Variants in NKAIN2 observed in about 807,000 individuals in gnomAD.
NKAIN2 encodes sodium/potassium transporting ATPase interacting 2, also known as sodium/potassium-transporting ATPase subunit beta-1-interacting protein 2.
A neutral mutation model predicts 32.6 loss-of-function variants in NKAIN2; 14 were observed. The ratio of observed to expected loss-of-function variants is 0.43; its 90% CI spans 0.28 to 0.67. The LOEUF (loss-of-function observed/expected upper bound fraction) is 0.67, where lower values mean the gene tolerates loss of function less well. Ranked by LOEUF, NKAIN2 falls within the 30% of genes least tolerant of loss-of-function variation. The pLI is 0.17. For missense variants in NKAIN2, 198 were observed against 258.3 expected, an observed-to-expected ratio of 0.77 and a Z score of 1.60; for synonymous variants, 80 against 87.2, an observed-to-expected ratio of 0.92 and a Z score of 0.46.
chr6:124,734,195 A>C (rs936265651), intron 4 of NKAIN2, among the ~76,000 whole-genome samples: 1 of 151,786 alleles, frequency 6.6e-6, no homozygotes, highest in Admixed American at 6.6e-5. Context: ...AAAATAAGTA[A>C]GTATTGGATT....
At chr6:124,666,632 T>G (rs1772811577) in intron 4 of NKAIN2, among the ~76,000 whole-genome samples, 1 of 152,180 alleles carries the variant, frequency 6.6e-6, no homozygotes, top group Non-Finnish European at 1.5e-5. Flanking sequence ...AATTATCATG[T>G]TCTAAATTTT....
chr6:124,339,096 A>G (rs1051384901), intron 2 of NKAIN2, among the ~76,000 whole-genome samples: 1 of 152,150 alleles, frequency 6.6e-6, no homozygotes, highest in East Asian at 1.9e-4. Context: ...TAATCCCAGC[A>G]TTGTGGGAGG....
intron 4 of NKAIN2, among the ~76,000 whole-genome samples, chr6:124,733,340 A>G (rs913859822): frequency 6.6e-6 from 1 of 151,906 alleles, no homozygotes; most frequent in Non-Finnish European, 1.5e-5. Context: ...AGGAGGTTGG[A>G]AGAGCCCAGT....
intron 5 of NKAIN2, among the ~76,000 whole-genome samples, chr6:124,810,991 C>T (rs1302058094): frequency 6.6e-6 from 1 of 151,312 alleles, no homozygotes; most frequent in Non-Finnish European, 1.5e-5. Context: ...TTCACACAGT[C>T]AGCTTGAATT....
At chr6:124,104,860 A>C (rs1785045083) in intron 1 of NKAIN2, among the ~76,000 whole-genome samples, 1 of 152,322 alleles carries the variant, frequency 6.6e-6, no homozygotes, top group East Asian at 1.9e-4. Context: ...GTCCAATGCT[A>C]TGACACAGGT....
chr6:124,354,826 A>G (rs1280539359), intron 2 of NKAIN2, among the ~76,000 whole-genome samples: 1 of 150,104 alleles, frequency 6.7e-6, no homozygotes, highest in Non-Finnish European at 1.5e-5. Context: ...CTGTAATCCT[A>G]TGAGTCCATA....
chr6:124,824,793 GGATTA>G lies in NKAIN2; in HGVS notation c.*1565_*1569del, dbSNP rs1213991426. ...TGATTTCTATGAAGTTTCAGTTATTGGATTAAACTACTTTAGACCTTAGCCCATTC... is the reference window on the plus strand; with the variant it reads ...TGATTTCTATGAAGTTTCAGTTATTGAACTACTTTAGACCTTAGCCCATTC... On this transcript the variant is annotated 3_prime_UTR_variant, in exon 7 of 7. Coordinates refer to ENST00000368417, the MANE Select transcript of NKAIN2 (RefSeq NM_001040214.3). 6.6e-6 allele frequency: 1 copy of G among 152,104 alleles called. No individual in the cohort carries two copies. Among genetic ancestry groups the G allele is most frequent in the African/African-American group, 2.4e-5 (1 of 41,412 alleles). The allele number at this position is 152,104 out of a possible 1,614,324, so 9.4% of individuals were successfully genotyped here.
intron 3 of NKAIN2, among the ~76,000 whole-genome samples, chr6:124,491,265 A>G (rs1307098935): frequency 2.0e-5 from 3 of 151,888 alleles, no homozygotes; most frequent in Non-Finnish European, 4.4e-5. Context: ...AGGGATTAGA[A>G]CCTGTTAGTA....
At chr6:124,127,639 C>T (rs1345637785) in intron 1 of NKAIN2, among the ~76,000 whole-genome samples, 1 of 152,100 alleles carries the variant, frequency 6.6e-6, no homozygotes, top group Non-Finnish European at 1.5e-5. Flanking sequence ...GGGGAAAAGC[C>T]TGGGCACATC....
intron 1 of NKAIN2, among the ~76,000 whole-genome samples, chr6:124,232,095 A>G (rs1362154103): frequency 6.6e-6 from 1 of 152,094 alleles, no homozygotes; most frequent in Non-Finnish European, 1.5e-5. Context: ...TCGACATTCA[A>G]ATATTTTCTG....
At chr6:124,500,880 A>C (rs948377578) in intron 3 of NKAIN2, among the ~76,000 whole-genome samples, 5 of 152,162 alleles carry the variant, frequency 3.3e-5, no homozygotes, top group African/African-American at 1.2e-4. Flanking sequence ...ACTAGAAGTC[A>C]GTCATAAGAG....
intron 1 of NKAIN2, among the ~76,000 whole-genome samples, chr6:123,950,857 G>T (rs1001099122): frequency 1.1e-4 from 17 of 151,694 alleles, no homozygotes; most frequent in Admixed American, 2.0e-4. Flanking sequence ...TCTGGCTTTT[G>T]TAGTTCCTTG....
chr6:124,611,518 T>C (rs1033627308), intron 3 of NKAIN2, among the ~76,000 whole-genome samples: 1 of 152,132 alleles, frequency 6.6e-6, no homozygotes, highest in African/African-American at 2.4e-5. Flanking sequence ...CCTAATGCTC[T>C]CCCTTCGCTT....
intron 1 of NKAIN2, among the ~76,000 whole-genome samples, chr6:124,039,695 G>T (rs550054920): frequency 2.6e-5 from 4 of 151,670 alleles, no homozygotes; most frequent in African/African-American, 4.8e-5. Flanking sequence ...TATAAAATTT[G>T]CCCTTTGCTG....
At chr6:124,366,765 A>G (rs1218484479) in intron 3 of NKAIN2, among the ~76,000 whole-genome samples, 1 of 151,888 alleles carries the variant, frequency 6.6e-6, no homozygotes, top group Non-Finnish European at 1.5e-5. Context: ...CATCGCTACC[A>G]AAAATACAAA....
chr6:124,026,742 T>A lies in NKAIN2; in HGVS notation c.54+222488T>A, dbSNP rs537003578. The stretch of plus-strand genomic sequence containing the variant: ...AAACTTGCTGGATATCATTTTTCTC[T>A]ATGGTCCCATTCTCATCTTAAAACA... On this transcript the variant is annotated intron_variant, in intron 1 of 6. Coordinates refer to ENST00000368417, the MANE Select transcript of NKAIN2 (RefSeq NM_001040214.3). Among the ~76,000 whole-genome samples, 19 of 152,326 alleles carry A rather than the reference T, an allele frequency of 1.2e-4. No individual in the cohort carries two copies. In the South Asian group the frequency reaches 3.9e-3, roughly 32 times the overall value.
At chr6:124,392,407 G>A (rs1447286154) in intron 3 of NKAIN2, among the ~76,000 whole-genome samples, 2 of 152,078 alleles carry the variant, frequency 1.3e-5, no homozygotes, top group Non-Finnish European at 2.9e-5. Flanking sequence ...TTAGCTACAG[G>A]CACAGAGCAA....
chr6:124,177,401 G>C (rs947931327), intron 1 of NKAIN2, among the ~76,000 whole-genome samples: 1 of 152,114 alleles, frequency 6.6e-6, no homozygotes, highest in Non-Finnish European at 1.5e-5. Flanking sequence ...GTATAATCCT[G>C]TGACATTTCT....
intron 4 of NKAIN2, among the ~76,000 whole-genome samples, chr6:124,757,053 T>A (rs930913895): frequency 6.6e-6 from 1 of 151,726 alleles, no homozygotes; most frequent in African/African-American, 2.4e-5. Flanking sequence ...TTAGTGACAT[T>A]GCTAGAATTC....
Sources: allele counts gnomAD v4.1 joint callset (sites outside exome capture counted in the v4.1 genomes callset), GRCh38; gene constraint gnomAD v4.1.1; transcripts MANE v1.5; gene names NCBI Gene and HGNC (gene_info 2026-07-23, HGNC 2026-07-21).